CRTC3: variants seen among roughly 807,000 people sequenced by gnomAD.
CRTC3 encodes CREB-regulated transcription coactivator 3.
Under a neutral mutation model 74.5 loss-of-function variants are expected in CRTC3, and 26 were observed. The ratio of observed to expected loss-of-function variants is 0.35; its 90% CI spans 0.26 to 0.48. The LOEUF (loss-of-function observed/expected upper bound fraction) is 0.48, where lower values mean the gene tolerates loss of function less well. Ranked by LOEUF, CRTC3 falls within the 20% of genes least tolerant of loss-of-function variation. The pLI is 0.99. For missense variants in CRTC3, 760 were observed against 787.3 expected, an observed-to-expected ratio of 0.97 and a Z score of 0.41; for synonymous variants, 377 against 325.8, an observed-to-expected ratio of 1.16 and a Z score of -1.69.
Position 90,604,459 on chromosome 15 carries a change from G to T in CRTC3, c.476+12G>T. On this transcript the variant is annotated intron_variant, in intron 5 of 14. Coordinates refer to ENST00000268184, the MANE Select transcript of CRTC3 (RefSeq NM_022769.5). ...TCTGCACTTAACAGGTACATGGGTT[G>T]TTTCCTGGTAGGAGTAGATTTTAAA... is the stretch of plus-strand genomic sequence containing the variant. 6.2e-7 allele frequency: 1 copy of T among 1,605,358 alleles called. No homozygotes were observed. Among genetic ancestry groups the T allele is most frequent in the Non-Finnish European group, 8.5e-7 (1 of 1,172,076 alleles).
intron 2 of CRTC3, among the ~76,000 whole-genome samples, chr15:90,573,769 A>G (rs181947523): frequency 1.4e-4 from 21 of 152,316 alleles, no homozygotes; most frequent in Admixed American, 1.3e-3. Flanking sequence ...ACATACATTC[A>G]TGTGGTCTAA....
At chr15:90,561,564 A>G (rs930645462) in intron 2 of CRTC3, among the ~76,000 whole-genome samples, 5 of 152,212 alleles carry the variant, frequency 3.3e-5, no homozygotes, top group Non-Finnish European at 7.3e-5. Flanking sequence ...CCAGGAAAGA[A>G]GCTAGGTCTC....
intron 2 of CRTC3, among the ~76,000 whole-genome samples, chr15:90,566,232 G>C (rs538022406): frequency 6.6e-6 from 1 of 152,140 alleles, no homozygotes; most frequent in Non-Finnish European, 1.5e-5. Flanking sequence ...AGCTAGCAGA[G>C]GTTGGTTCAT....
At chr15:90,603,861 A>C (rs1360847366) in intron 4 of CRTC3, among the ~76,000 whole-genome samples, 1 of 152,172 alleles carries the variant, frequency 6.6e-6, no homozygotes, top group Non-Finnish European at 1.5e-5. Context: ...TGCCCTCAAG[A>C]ATCTTGGGAT....
chr15:90,550,790 GC>G (rs1966854187), intron 2 of CRTC3, among the ~76,000 whole-genome samples: 1 of 151,930 alleles, frequency 6.6e-6, no homozygotes, highest in South Asian at 2.1e-4. Context: ...ACCTCTCAGG[GC>G]TCCTGCCCCC....
chr15:90,627,898 G>GCCA (rs77014448), intron 10 of CRTC3, among the ~76,000 whole-genome samples: 139,800 of 140,330 alleles, frequency 1, 69,635 homozygotes, highest in Middle Eastern at 1. Context: ...ACAGGCGTGA[G>GCCA]CCACGCCCAG....
chr15:90,602,289 A>G lies in CRTC3; in HGVS notation c.352-35A>G, dbSNP rs1440684402. 7 of 1,274,284 alleles carry G rather than the reference A, an allele frequency of 5.5e-6. 1 individual carries two copies. The highest frequency in any genetic ancestry group is 3.7e-5 in the South Asian group (3 of 81,504). 78.9% of individuals were successfully genotyped at this position (1,274,284 alleles called of 1,614,324 possible). Reference sequence around the variant, plus strand: ...CTTGTTAATTCTGCTTCATCTTTCCATTAATTTTTATTTTTCCTTTATTAA... The same window carrying G: ...CTTGTTAATTCTGCTTCATCTTTCCGTTAATTTTTATTTTTCCTTTATTAA... On this transcript the variant is annotated intron_variant, in intron 3 of 14. Transcript: ENST00000268184.
At chr15:90,597,780 G>C (rs1226383289) in intron 3 of CRTC3, 1 of 152,176 alleles carries the variant, frequency 6.6e-6, no homozygotes, top group Non-Finnish European at 1.5e-5. Flanking sequence ...GAAATATTCT[G>C]ACTTCACAAT....
chr15:90,536,906 G>T (rs1462410153), intron 1 of CRTC3, among the ~76,000 whole-genome samples: 1 of 152,208 alleles, frequency 6.6e-6, no homozygotes, highest in East Asian at 1.9e-4. Context: ...GTTCAGTGTT[G>T]TCTGATCTTT....
chr15:90,642,151 G>A lies in CRTC3; in HGVS notation c.*11G>A. Reference sequence around the variant, plus strand: ...GCTGACAGACTGTGAACAGAAGGCAGTGGAACAGAAGAATGTTTTTCTGCA... The same window carrying A: ...GCTGACAGACTGTGAACAGAAGGCAATGGAACAGAAGAATGTTTTTCTGCA... On this transcript the variant is annotated 3_prime_UTR_variant, in exon 15 of 15. Coordinates refer to ENST00000268184, the MANE Select transcript of CRTC3 (RefSeq NM_022769.5). The A allele has an allele frequency of 2.5e-6, 4 of 1,611,944 alleles. No homozygotes were observed. The South Asian group carries it at 3.3e-5, about 13-fold the overall frequency.
At chr15:90,619,717 C>G in intron 8 of CRTC3, 24 bp from the exon 9 acceptor site, 1 of 1,611,958 alleles carries the variant, frequency 6.2e-7, no homozygotes, top group Non-Finnish European at 8.5e-7. Context: ...GCGAGTAAGC[C>G]CAGCTTTCAT....
intron 2 of CRTC3, among the ~76,000 whole-genome samples, chr15:90,557,638 G>A (rs1039877383): frequency 2.0e-5 from 3 of 152,152 alleles, no homozygotes; most frequent in African/African-American, 7.2e-5. Flanking sequence ...AGTACAGACA[G>A]AGCCGGGTCT....
intron 7 of CRTC3, among the ~76,000 whole-genome samples, chr15:90,615,084 A>T (rs35565856): frequency 0.26 from 38,106 of 146,760 alleles, 4,978 homozygotes; most frequent in African/African-American, 0.33. Flanking sequence ...ATAAATAAAT[A>T]AATAAATTAA....
chr15:90,555,483 C>T (rs10852133), intron 2 of CRTC3, among the ~76,000 whole-genome samples: 100,710 of 151,998 alleles, frequency 0.66, 35,049 homozygotes, highest in Non-Finnish European at 0.77. Flanking sequence ...AGCACAAAGA[C>T]GTTAACTCTA....
At chr15:90,623,896 C>G (rs1456860956) in intron 9 of CRTC3, among the ~76,000 whole-genome samples, 1 of 152,218 alleles carries the variant, frequency 6.6e-6, no homozygotes, top group Admixed American at 6.5e-5. Flanking sequence ...CACCTCCCTG[C>G]TTTTGCGCAT....
intron 2 of CRTC3, among the ~76,000 whole-genome samples, chr15:90,568,683 G>C (rs1967182425): frequency 6.6e-6 from 1 of 152,114 alleles, no homozygotes; most frequent in African/African-American, 2.4e-5. Flanking sequence ...GTGTTACCCA[G>C]CAGCATCACA....
chr15:90,627,582 T>C (rs879583604), intron 10 of CRTC3, among the ~76,000 whole-genome samples: 10 of 152,118 alleles, frequency 6.6e-5, no homozygotes, highest in Non-Finnish European at 5.9e-5. Flanking sequence ...CACTATTTTA[T>C]CCAGAACATG....
intron 6 of CRTC3, among the ~76,000 whole-genome samples, chr15:90,608,301 A>T (rs1968277806): frequency 6.6e-6 from 1 of 152,128 alleles, no homozygotes; most frequent in Non-Finnish European, 1.5e-5. Context: ...CAGGAGAAAG[A>T]GCCCAGATCT....
chr15:90,584,489 A>G (rs1967614477), intron 2 of CRTC3, among the ~76,000 whole-genome samples: 1 of 152,250 alleles, frequency 6.6e-6, no homozygotes, highest in South Asian at 2.1e-4. Context: ...CTCCCGCCTC[A>G]GCCTCCCAAA....
Sources: gnomAD v4.1 joint callset for allele counts (sites outside exome capture counted in the v4.1 genomes callset) on GRCh38, gnomAD v4.1.1 for gene constraint, MANE v1.5 for transcripts, NCBI Gene and HGNC (gene_info 2026-07-23, HGNC 2026-07-21) for gene names.